Variants in CEP72 observed in about 807,000 individuals in gnomAD.
CEP72 encodes the protein centrosomal protein of 72 kDa.
In CEP72, 78 loss-of-function variants were observed where a neutral mutation model predicts 65.7. That is an observed-to-expected ratio of 1.19 (90% CI 0.99 to 1.43). The LOEUF is 1.43. Ranked by LOEUF, CEP72 falls within the 40% of genes most tolerant of loss-of-function variation. The pLI, the probability that CEP72 is intolerant of heterozygous loss-of-function variation, is 0.00. For synonymous variants in CEP72, 358 were observed against 351.7 expected, an observed-to-expected ratio of 1.02 and a Z score of -0.20; for missense variants, 914 against 832.9, an observed-to-expected ratio of 1.10 and a Z score of -1.20.
At chr5:644,131 G>T in intron 9 of CEP72, 168 bp from the exon 10 acceptor site, 1 of 711,686 alleles carries the variant, frequency 1.4e-6, no homozygotes, top group Admixed American at 2.6e-5. Context: ...GGGCAGGGCG[G>T]GCTGGGAGCA....
At chr5:649,673 C>T (rs1312866831) in intron 11 of CEP72, among the ~76,000 whole-genome samples, 5 of 54,090 alleles carry the variant, frequency 9.2e-5, no homozygotes, top group Non-Finnish European at 1.0e-4. Flanking sequence ...GCCTGTGAGG[C>T]GTGGACTGTG....
chr5:647,922 T>C lies in CEP72; in HGVS notation c.1778+6T>C. 1 of 1,603,910 alleles carries C rather than the reference T, an allele frequency of 6.2e-7. No individual in the cohort carries two copies. Among genetic ancestry groups the C allele is most frequent in the Non-Finnish European group, 8.5e-7 (1 of 1,173,766 alleles). ...ATGCTGCAGGAGAGCCACAGGTGCC[T>C]GCCCGTGAGACTTGGGTGGGCCCCC... On this transcript the variant is annotated splice_donor_region_variant and intron_variant, in intron 11 of 11. Coordinates refer to ENST00000264935, the MANE Select transcript of CEP72 (RefSeq NM_018140.4).
chr5:656,658 G>C (rs1739387423), downstream of CEP72, among the ~76,000 whole-genome samples: 1 of 152,204 alleles, frequency 6.6e-6, no homozygotes, highest in Non-Finnish European at 1.5e-5. Flanking sequence ...TCATTTGCCT[G>C]TAGCTGTTTC....
chr5:612,440 C>A lies in CEP72; in HGVS notation c.79C>A (p.Leu27Met), dbSNP rs1247177489. ...AKSGLGPHRDLAELQSLSIPG... is the reference protein window; with the variant it reads ...AKSGLGPHRDMAELQSLSIPG... ...GAGCGGCTTAGGGCCTCACCGCGACCTGGGTGCGCCGGAGGGCGGGCGGGG... is the reference window on the plus strand; with the variant it reads ...GAGCGGCTTAGGGCCTCACCGCGACATGGGTGCGCCGGAGGGCGGGCGGGG... Residue 27 changes from leucine (L) to methionine (M), a missense_variant, in exon 1 of 12, where the codon CTG becomes ATG. By Grantham distance (15) the Leu-to-Met change is conservative. Transcript: ENST00000264935. The A allele has an allele frequency of 2.8e-6, 4 of 1,441,724 alleles. No individual in the cohort carries two copies. The highest frequency in any genetic ancestry group is 3.6e-6 in the Non-Finnish European group (4 of 1,096,126). The allele number at this position is 1,441,724 out of a possible 1,614,324, so 89.3% of individuals were successfully genotyped here.
At chr5:643,850 A>G (rs1253655966) in intron 9 of CEP72, among the ~76,000 whole-genome samples, 1 of 152,188 alleles carries the variant, frequency 6.6e-6, no homozygotes, top group East Asian at 1.9e-4. Context: ...CTTTGAGGAT[A>G]TGAAAGGAGC....
intron 4 of CEP72, among the ~76,000 whole-genome samples, chr5:628,944 A>T: frequency 7.0e-6 from 1 of 141,856 alleles, no homozygotes; most frequent in Non-Finnish European, 1.5e-5. Flanking sequence ...CGTTCTGGAG[A>T]ACTCAGGTCA....
At chr5:652,557 T>C (rs1739177417) in intron 11 of CEP72, among the ~76,000 whole-genome samples, 1 of 152,236 alleles carries the variant, frequency 6.6e-6, no homozygotes, top group African/African-American at 2.4e-5. Context: ...TCTATTGCAC[T>C]ATTATGATGT....
intron 4 of CEP72, among the ~76,000 whole-genome samples, chr5:625,503 G>T (rs1736696004): frequency 6.6e-6 from 1 of 152,226 alleles, no homozygotes; most frequent in African/African-American, 2.4e-5. Context: ...CGGAAGCCAG[G>T]ATGGTGTGCC....
intron 4 of CEP72, among the ~76,000 whole-genome samples, chr5:628,685 CAGG>C: frequency 4.2e-5 from 5 of 119,322 alleles, no homozygotes; most frequent in African/African-American, 1.5e-4. Flanking sequence ...ACTCAGGTCA[CAGG>C]CCCCGGGGAG....
Position 624,818 on chromosome 5 carries a change from T to C in CEP72, c.512+239T>C, listed in dbSNP as rs1736641265. ...AAACTGTTGATTAAGGTAATATGTG[T>C]AAAATCAACTCAGCAAAGGGCTTGT... On this transcript the variant is annotated intron_variant, in intron 4 of 11. Transcript: ENST00000264935. This position sits in a 1 kb window ranked among gnomAD's most constrained non-coding sequence, Gnocchi z 4.7. 6.6e-6 allele frequency among the ~76,000 whole-genome samples: 1 copy of C among 152,174 alleles called. No homozygotes were observed. The highest frequency in any genetic ancestry group is 1.5e-5 in the Non-Finnish European group (1 of 68,016).
intron 4 of CEP72, among the ~76,000 whole-genome samples, chr5:625,496 A>G (rs929319381): frequency 5.3e-5 from 8 of 152,250 alleles, no homozygotes; most frequent in African/African-American, 1.9e-4. Context: ...GGCAGCACGG[A>G]AGCCAGGATG....
At chr5:620,336 C>A in intron 3 of CEP72, 75 bp downstream of exon 3, 1 of 1,290,116 alleles carries the variant, frequency 7.8e-7, no homozygotes, top group Non-Finnish European at 1.1e-6. Flanking sequence ...TAGTGGGTGT[C>A]TGTGTGCTCA....
intron 9 of CEP72, chr5:642,654 G>A (rs749855616): frequency 1.0e-6 from 1 of 985,448 alleles, no homozygotes; most frequent in Non-Finnish European, 1.2e-6. Flanking sequence ...CCTGCAGTTT[G>A]CAGGCAGCCC....
At chr5:621,651 C>G (rs370461110) in intron 3 of CEP72, among the ~76,000 whole-genome samples, 1 of 152,226 alleles carries the variant, frequency 6.6e-6, no homozygotes, top group African/African-American at 2.4e-5. Flanking sequence ...GCGAGTAGAC[C>G]GGGAAGGCTG....
At chr5:641,503 A>G in intron 9 of CEP72, 1 of 985,166 alleles carries the variant, frequency 1.0e-6, no homozygotes, top group Non-Finnish European at 1.2e-6. Flanking sequence ...GAGATCCCAC[A>G]CAACGCTTCC....
intron 2 of CEP72, 73 bp from the exon 3 acceptor site, chr5:619,996 G>T: frequency 8.0e-7 from 1 of 1,249,118 alleles, no homozygotes; most frequent in Non-Finnish European, 1.2e-6. Flanking sequence ...TGGTCAGTGT[G>T]TGTTGCTGGC....
rs183239075 is a variant in CEP72 at position 641,120 on chromosome 5, C to T, written c.1539+516C>T. 36 of 985,178 alleles carry T rather than the reference C, an allele frequency of 3.7e-5. No individual in the cohort carries two copies. The African/African-American group carries it at 5.8e-4, about 16-fold the overall frequency. The allele number at this position is 985,178 out of a possible 1,614,324, so 61.0% of individuals were successfully genotyped here. On this transcript the variant is annotated intron_variant, in intron 9 of 11. Coordinates refer to ENST00000264935, the MANE Select transcript of CEP72 (RefSeq NM_018140.4). ...GCCAGGCTCCCTCCTTCCGTCTCAG[C>T]CGTGGGCCGGGGCCGCCGTCTCATC...
rs1334356644 is a variant in CEP72 at position 644,425 on chromosome 5, G to T, written c.1666G>T (p.Gly556Ter). Residue 556 changes from glycine to a stop codon, truncating the protein, a stop_gained and splice_region_variant, in exon 10 of 12, where the codon GGA becomes TGA. Coordinates refer to ENST00000264935, the MANE Select transcript of CEP72 (RefSeq NM_018140.4). LOFTEE classifies it high-confidence loss of function. ...AGCCACGTTAAATTTGCAGATCGCT[G>T]GTAAGTTGATCGTGTATTTGGTCAC... ...TAATLNLQIA[G>*]LQTSVKRLCG... 2.5e-6 allele frequency: 4 copies of T among 1,613,570 alleles called. No homozygotes were observed. In the South Asian group the frequency reaches 4.4e-5, roughly 18 times the overall value.
intron 4 of CEP72, among the ~76,000 whole-genome samples, chr5:633,382 C>T (rs1256464674): frequency 2.6e-5 from 3 of 113,916 alleles, no homozygotes; most frequent in African/African-American, 9.1e-5. Flanking sequence ...GGGTTCTGTC[C>T]AGTGCTGGAT....
Sources: allele counts gnomAD v4.1 joint callset (sites outside exome capture counted in the v4.1 genomes callset), GRCh38; gene constraint gnomAD v4.1.1; non-coding constraint Gnocchi (gnomAD v3.1); transcripts MANE v1.5; gene names NCBI Gene and HGNC (gene_info 2026-07-23, HGNC 2026-07-21).